The following EPHA3 variants were observed in gnomAD, a reference collection of about 807,000 sequenced individuals.
EPHA3 encodes the protein ephrin type-A receptor 3.
In EPHA3, 42 loss-of-function variants were observed where a neutral mutation model predicts 107.1. That is an observed-to-expected ratio of 0.39 (90% CI 0.31 to 0.51). EPHA3 has a LOEUF of 0.51. Ranked by LOEUF, EPHA3 falls within the 20% of genes least tolerant of loss-of-function variation. The probability of loss-of-function intolerance (pLI) is 0.78; values close to 1 mark genes in which losing one functional copy is unlikely to be tolerated. For missense variants in EPHA3, 1,183 were observed against 1,211.2 expected, an observed-to-expected ratio of 0.98 and a Z score of 0.35; for synonymous variants, 461 against 424.8, an observed-to-expected ratio of 1.09 and a Z score of -1.05.
intron 13 of EPHA3, among the ~76,000 whole-genome samples, chr3:89,445,855 C>A (rs1709867841): frequency 6.6e-6 from 1 of 152,068 alleles, no homozygotes; most frequent in African/African-American, 2.4e-5. Context: ...TTCCAAGGTA[C>A]CACAGTGAGC....
intron 3 of EPHA3, among the ~76,000 whole-genome samples, chr3:89,245,979 G>GACTTT (rs1245155726): frequency 3.3e-5 from 5 of 152,250 alleles, no homozygotes; most frequent in African/African-American, 1.2e-4. Flanking sequence ...TAGATCCACA[G>GACTTT]TTGGGTTTTG....
intron 3 of EPHA3, among the ~76,000 whole-genome samples, chr3:89,334,365 A>G (rs917797273): frequency 6.6e-6 from 1 of 152,206 alleles, no homozygotes. Flanking sequence ...GCATTTTATA[A>G]TTTCAATGGC....
chr3:89,204,477 A>AC (rs1172007458), intron 2 of EPHA3, among the ~76,000 whole-genome samples: 17 of 21,280 alleles, frequency 8.0e-4, no homozygotes, highest in African/African-American at 1.7e-3. Flanking sequence ...CTGATTTGAC[A>AC]CACCACACAC....
In EPHA3 at chr3:89,399,726, G is replaced by GTTT. The variant is rs368368368; in HGVS notation, c.1594+256_1594+258dup. 3.2e-4 allele frequency: 320 copies of GTTT among 987,020 alleles called. No homozygotes were observed. In the African/African-American group the frequency reaches 4.1e-3, roughly 13 times the overall value. 61.1% of individuals were successfully genotyped at this position (987,020 alleles called of 1,614,324 possible). ...ATATTCTAATGCCTGAAATGCTTCT[G>GTTT]TTTTTTTTTTTTAGCCATAAATTGC... is the stretch of plus-strand genomic sequence containing the variant. On this transcript the variant is annotated intron_variant, in intron 7 of 16. Transcript: ENST00000336596.
intron 2 of EPHA3, among the ~76,000 whole-genome samples, 172 bp from the exon 3 acceptor site, chr3:89,209,688 A>G (rs142418623): frequency 1.0e-3 from 152 of 152,306 alleles, no homozygotes; most frequent in East Asian, 3.1e-3. Flanking sequence ...CAAAATTATA[A>G]ATTACTTTAT....
At chr3:89,290,582 AG>A (rs1706188146) in intron 3 of EPHA3, among the ~76,000 whole-genome samples, 1 of 152,160 alleles carries the variant, frequency 6.6e-6, no homozygotes, top group Non-Finnish European at 1.5e-5. Context: ...CACAATTTAA[AG>A]CTAAGTGTCA....
chr3:89,356,357 A>G (rs182596138), intron 5 of EPHA3, among the ~76,000 whole-genome samples: 1,770 of 150,904 alleles, frequency 0.012, 41 homozygotes, highest in African/African-American at 0.04. Context: ...CCAGTAATGG[A>G]ATGGCTGGGT....
chr3:89,281,393 A>G (rs185180739), intron 3 of EPHA3, among the ~76,000 whole-genome samples: 30 of 152,244 alleles, frequency 2.0e-4, no homozygotes, highest in Admixed American at 1.9e-3. Flanking sequence ...GCCCAAGACC[A>G]AAAACCACTA....
chr3:89,270,738 A>T (rs1191879672), intron 3 of EPHA3, among the ~76,000 whole-genome samples: 1 of 112,728 alleles, frequency 8.9e-6, no homozygotes, highest in Non-Finnish European at 1.9e-5. Context: ...TTTTTCTTCT[A>T]TTTATTTCTG....
intron 2 of EPHA3, among the ~76,000 whole-genome samples, chr3:89,196,419 GAGATTTCAAGTCAT>G (rs71105118): frequency 0.14 from 21,724 of 151,810 alleles, 1,717 homozygotes; most frequent in African/African-American, 0.22. Flanking sequence ...TCCCTGAGGA[GAGATTTCAAGTCAT>G]AGATTTCAAG....
At chr3:89,121,717 A>C (rs551658107) in intron 1 of EPHA3, among the ~76,000 whole-genome samples, 26 of 151,682 alleles carry the variant, frequency 1.7e-4, no homozygotes, top group Admixed American at 3.9e-4. Context: ...AGTTTGTGCC[A>C]CTGCACTCCA....
chr3:89,425,870 AT>A (rs1399524286), intron 11 of EPHA3, among the ~76,000 whole-genome samples: 1 of 151,612 alleles, frequency 6.6e-6, no homozygotes, highest in Admixed American at 6.6e-5. Flanking sequence ...CGGCGATTCA[AT>A]GACTAGTAAT....
intron 2 of EPHA3, among the ~76,000 whole-genome samples, chr3:89,173,737 G>A (rs929715491): frequency 6.6e-6 from 1 of 151,828 alleles, no homozygotes; most frequent in East Asian, 1.9e-4. Context: ...ATATGAGTCA[G>A]GCTGACTCTA....
intron 2 of EPHA3, among the ~76,000 whole-genome samples, chr3:89,152,800 T>C (rs1704717240): frequency 6.6e-6 from 1 of 152,068 alleles, no homozygotes; most frequent in South Asian, 2.1e-4. Context: ...AACGAAGAAA[T>C]GTAGGCATTA....
intron 5 of EPHA3, among the ~76,000 whole-genome samples, chr3:89,395,545 G>A (rs1708831669): frequency 6.6e-6 from 1 of 151,966 alleles, no homozygotes; most frequent in African/African-American, 2.4e-5. Context: ...CATTATAGTA[G>A]CAGATTGAAA....
intron 5 of EPHA3, among the ~76,000 whole-genome samples, chr3:89,370,854 G>T (rs946811269): frequency 6.6e-6 from 1 of 151,498 alleles, no homozygotes; most frequent in Non-Finnish European, 1.5e-5. Context: ...AAGTGAATTG[G>T]GCAAAGTGTT....
At chr3:89,320,248 T>C (rs1158674650) in intron 3 of EPHA3, among the ~76,000 whole-genome samples, 1 of 152,004 alleles carries the variant, frequency 6.6e-6, no homozygotes, top group Non-Finnish European at 1.5e-5. Context: ...TACAGTTATC[T>C]TCCATGACAC....
Position 89,419,357 on chromosome 3 carries a change from A to G in EPHA3, c.2041A>G (p.Asn681Asp). 1.2e-6 allele frequency: 2 copies of G among 1,604,000 alleles called. No homozygotes were observed. The highest frequency in any genetic ancestry group is 1.7e-6 in the Non-Finnish European group (2 of 1,175,802). The change falls in exon 11 of 17, where the codon AAT becomes GAT. Residue 681 changes from asparagine to aspartate, a missense_variant. Physicochemically the swap from Asn to Asp is conservative, Grantham distance 23. Transcript: ENST00000336596. ...CATTATGGGACAGTTTGACCACCCC[A>G]ATATCATTCGACTGGAAGGAGTTGT... ...ASIMGQFDHP[N>D]IIRLEGVVTK...
At chr3:89,130,858 G>C (rs923855937) in intron 2 of EPHA3, among the ~76,000 whole-genome samples, 9 of 152,004 alleles carry the variant, frequency 5.9e-5, no homozygotes, top group African/African-American at 2.2e-4. Context: ...AGATGGACTC[G>C]ATCTCCTGAC....
Sources: gnomAD v4.1 joint callset for allele counts (sites outside exome capture counted in the v4.1 genomes callset) on GRCh38, gnomAD v4.1.1 for gene constraint, MANE v1.5 for transcripts, NCBI Gene and HGNC (gene_info 2026-07-23, HGNC 2026-07-21) for gene names.